Variants in CCDC170 observed in about 807,000 individuals in gnomAD.
CCDC170 encodes the protein coiled-coil domain-containing protein 170.
CCDC170 carries 69 observed loss-of-function variants against 72.6 expected under a neutral mutation model. The observed-to-expected ratio is 0.95, with a 90% CI of 0.78 to 1.16. CCDC170 has a LOEUF of 1.16. Ranked by LOEUF, CCDC170 falls within the 50% of genes most tolerant of loss-of-function variation. CCDC170 has a pLI of 0.00. For synonymous variants in CCDC170, 300 were observed against 303.9 expected, an observed-to-expected ratio of 0.99 and a Z score of 0.13; for missense variants, 852 against 832.5, an observed-to-expected ratio of 1.02 and a Z score of -0.29.
intron 1 of CCDC170, among the ~76,000 whole-genome samples, chr6:151,504,781 G>A (rs1782042445): frequency 6.6e-6 from 1 of 151,792 alleles, no homozygotes. Context: ...GCAGATTTGG[G>A]AGCTACTAGA....
intron 5 of CCDC170, among the ~76,000 whole-genome samples, chr6:151,572,670 G>A (rs200727762): frequency 2.2e-3 from 59 of 27,328 alleles, no homozygotes; most frequent in Middle Eastern, 0.015. Flanking sequence ...TTTTTTTTTT[G>A]ATGGAGTCTT....
At chr6:151,586,488 G>A (rs1221046926) in intron 7 of CCDC170, among the ~76,000 whole-genome samples, 1 of 152,196 alleles carries the variant, frequency 6.6e-6, no homozygotes, top group Non-Finnish European at 1.5e-5. Flanking sequence ...TTATAGGAGA[G>A]GAGATAATTA....
At chr6:151,598,942 C>A (rs1377181321) in intron 9 of CCDC170, among the ~76,000 whole-genome samples, 1 of 152,120 alleles carries the variant, frequency 6.6e-6, no homozygotes, top group Non-Finnish European at 1.5e-5. Flanking sequence ...GCACTCATCC[C>A]CTCTGACATC....
chr6:151,607,240 G>A (rs1776800148), intron 9 of CCDC170, among the ~76,000 whole-genome samples: 1 of 152,104 alleles, frequency 6.6e-6, no homozygotes, highest in South Asian at 2.1e-4. Context: ...TGTATTTTCA[G>A]TCTATATTTT....
At chr6:151,517,469 T>G (rs556526523) in intron 1 of CCDC170, among the ~76,000 whole-genome samples, 8 of 149,694 alleles carry the variant, frequency 5.3e-5, no homozygotes, top group African/African-American at 1.7e-4. Context: ...AGTCCTGCAC[T>G]GTCACCCAGG....
rs545063699 is a variant in CCDC170 at position 151,528,268 on chromosome 6, A to T, written c.58-8050A>T. ...TCTTGCCATTTTAAATAGGGGAAAAATTTTTTTAAGGGAAGATTGTTTGAT... is the reference window on the plus strand; with the variant it reads ...TCTTGCCATTTTAAATAGGGGAAAATTTTTTTTAAGGGAAGATTGTTTGAT... On this transcript the variant is annotated intron_variant, in intron 1 of 10. Transcript: ENST00000239374. Among the ~76,000 whole-genome samples the T allele has an allele frequency of 5.3e-5, 8 of 152,140 alleles. No homozygotes were observed. The South Asian group carries it at 6.2e-4, about 12-fold the overall frequency.
At chr6:151,612,427 T>TA (rs1392204947) in intron 9 of CCDC170, among the ~76,000 whole-genome samples, 1 of 152,140 alleles carries the variant, frequency 6.6e-6, no homozygotes. Context: ...TTATCATCAG[T>TA]AAAAAAATAC....
At position 151,538,298 on chromosome 6, in the gene CCDC170, T is replaced by C; in HGVS notation, c.440T>C (p.Leu147Ser). The C allele has an allele frequency of 6.2e-7, 1 of 1,612,468 alleles. No homozygotes were observed. Among genetic ancestry groups the C allele is most frequent in the Non-Finnish European group, 8.5e-7 (1 of 1,179,424 alleles). Residue 147 changes from leucine to serine, a missense_variant, in exon 3 of 11, where the codon TTA (leucine) becomes TCA (serine). Transcript: ENST00000239374. Reference protein sequence around the residue: ...KKKVVELNEKLQKCSKENEEN... With the variant: ...KKKVVELNEKSQKCSKENEEN... ...AAAGTTGTAGAGTTAAATGAAAAAT[T>C]ACAGTAAGGATACTGCAATATATTT...
chr6:151,542,270 G>C (rs950701776), intron 3 of CCDC170, among the ~76,000 whole-genome samples: 1 of 152,122 alleles, frequency 6.6e-6, no homozygotes, highest in Non-Finnish European at 1.5e-5. Context: ...ACCCAGGCTG[G>C]AGTGCAGTGG....
At position 151,579,980 on chromosome 6, in the gene CCDC170, C is replaced by T. The variant is rs146543345; in HGVS notation, c.1093-5909C>T. Among the ~76,000 whole-genome samples the T allele has an allele frequency of 5.9e-5, 9 of 152,348 alleles. No individual in the cohort carries two copies. The East Asian group carries it at 1.7e-3, about 29-fold the overall frequency. ...CAGGGGAAATTGAAACCAGGGCTAT[C>T]TGACTCCAAAGCCTCCGTCCTGCAC... On this transcript the variant is annotated intron_variant, in intron 6 of 10. Transcript: ENST00000239374.
Position 151,499,368 on chromosome 6 carries a change from G to T in CCDC170, c.57+5183G>T, listed in dbSNP as rs113716681. Among the ~76,000 whole-genome samples the T allele has an allele frequency of 3.7e-5, 5 of 133,434 alleles. 1 individual carries two copies. The highest frequency in any genetic ancestry group is 1.6e-4 in the African/African-American group (5 of 32,060). 87.5% of individuals were successfully genotyped at this position (133,434 alleles called of 152,430 possible). ...GACTGTATTTGACTCTTCTAGGCACGCTGTATAAGTGGAATCAGACTGTAT... is the reference window on the plus strand; with the variant it reads ...GACTGTATTTGACTCTTCTAGGCACTCTGTATAAGTGGAATCAGACTGTAT... On this transcript the variant is annotated intron_variant, in intron 1 of 10. Coordinates refer to ENST00000239374, the MANE Select transcript of CCDC170 (RefSeq NM_025059.4).
chr6:151,590,332 G>C (rs1008109389), intron 7 of CCDC170, among the ~76,000 whole-genome samples: 1 of 152,090 alleles, frequency 6.6e-6, no homozygotes, highest in Non-Finnish European at 1.5e-5. Context: ...TATATTAAAG[G>C]CAAGAATTTC....
chr6:151,573,469 G>T lies in CCDC170; in HGVS notation c.1070G>T (p.Ser357Ile). The change falls in exon 6 of 11, where the codon AGC (serine) becomes ATC (isoleucine). Residue 357 changes from serine to isoleucine, a missense_variant. By Grantham distance (142) the Ser-to-Ile change is moderately radical. Coordinates refer to ENST00000239374, the MANE Select transcript of CCDC170 (RefSeq NM_025059.4). ...TILEKIREMD[S>I]REESRDRMVS... ...TTGGAGAAGATTCGAGAAATGGACAGCCGGGAAGAAAGCAGGGACCGGGTG... is the reference window on the plus strand; with the variant it reads ...TTGGAGAAGATTCGAGAAATGGACATCCGGGAAGAAAGCAGGGACCGGGTG... 6.2e-7 allele frequency: 1 copy of T among 1,613,882 alleles called. No individual in the cohort carries two copies. The highest frequency in any genetic ancestry group is 8.5e-7 in the Non-Finnish European group (1 of 1,179,786).
At chr6:151,563,953 CA>C (rs1282276254) in intron 5 of CCDC170, among the ~76,000 whole-genome samples, 1 of 152,196 alleles carries the variant, frequency 6.6e-6, no homozygotes, top group Admixed American at 6.5e-5. Flanking sequence ...GTTTTCCATT[CA>C]CATTTTGTCC....
intron 3 of CCDC170, among the ~76,000 whole-genome samples, chr6:151,543,285 AG>A (rs1346557093): frequency 1.3e-5 from 2 of 152,162 alleles, no homozygotes. Context: ...GGCCAATTCT[AG>A]TACTTTCCTA....
At chr6:151,615,349 T>G (rs1776945886) in intron 9 of CCDC170, 94 bp from the exon 10 acceptor site, 1 of 854,216 alleles carries the variant, frequency 1.2e-6, no homozygotes, top group East Asian at 2.4e-5. Flanking sequence ...AAAAAGGGTA[T>G]GAAGTGAATT....
chr6:151,524,929 CTTTTTTTT>C (rs34288029), intron 1 of CCDC170, among the ~76,000 whole-genome samples: 1 of 110,042 alleles, frequency 9.1e-6, no homozygotes, highest in African/African-American at 3.7e-5. Flanking sequence ...TAGTCTGATT[CTTTTTTTT>C]TTTTTTTTTT....
chr6:151,526,455 A>C (rs1782412089), intron 1 of CCDC170, among the ~76,000 whole-genome samples: 1 of 150,490 alleles, frequency 6.6e-6, no homozygotes, highest in Non-Finnish European at 1.5e-5. Context: ...CTCTTGACCT[A>C]GTGATCCGCT....
intron 1 of CCDC170, among the ~76,000 whole-genome samples, chr6:151,502,760 AG>A (rs1438216087): frequency 2.1e-4 from 32 of 152,214 alleles, no homozygotes; most frequent in African/African-American, 7.5e-4. Flanking sequence ...ACATTTATTG[AG>A]TCTTAGGCAC....
Sources: gnomAD v4.1 joint callset for allele counts (sites outside exome capture counted in the v4.1 genomes callset) on GRCh38, gnomAD v4.1.1 for gene constraint, MANE v1.5 for transcripts, NCBI Gene and HGNC (gene_info 2026-07-23, HGNC 2026-07-21) for gene names.